Variants in TMEM132B observed in about 807,000 individuals in gnomAD.
TMEM132B encodes the protein transmembrane protein 132B.
TMEM132B carries 18 observed loss-of-function variants against 90.8 expected under a neutral mutation model. The observed-to-expected ratio is 0.20, with a 90% CI of 0.14 to 0.29. The LOEUF (loss-of-function observed/expected upper bound fraction) is 0.29. Among genes scored for constraint, TMEM132B ranks in the 10% least tolerant of loss-of-function variants. The pLI is 1.00. For missense variants in TMEM132B, 1,096 were observed against 1,326.8 expected (o/e 0.83, Z 2.70); for synonymous variants, 504 against 523.3 (o/e 0.96, Z 0.50).
intron 4 of TMEM132B, among the ~76,000 whole-genome samples, chr12:125,562,994 G>A (rs1884569860): frequency 6.6e-6 from 1 of 151,894 alleles, no homozygotes; most frequent in East Asian, 1.9e-4. Context: ...GAGGCCGAAG[G>A]AGAGGGAGAG....
chr12:125,493,016 G>A (rs756795288), intron 3 of TMEM132B, among the ~76,000 whole-genome samples: 3 of 152,176 alleles, frequency 2.0e-5, no homozygotes, highest in Non-Finnish European at 1.5e-5. Context: ...GTGGAGTTAC[G>A]GAGTTCCACC....
chr12:125,473,390 T>C (rs11058191), intron 3 of TMEM132B, among the ~76,000 whole-genome samples: 44,788 of 152,050 alleles, frequency 0.29, 6,828 homozygotes, highest in East Asian at 0.51. Context: ...CTTTTTTTCT[T>C]TCTGCAAAGT....
chr12:125,269,793 TC>T (rs1874783835), intron 1 of TMEM132B, among the ~76,000 whole-genome samples: 1 of 152,086 alleles, frequency 6.6e-6, no homozygotes, highest in African/African-American at 2.4e-5. Context: ...GAAATAAGTA[TC>T]CAGAACTGGT....
At chr12:125,612,708 T>A (rs2136948051) in intron 5 of TMEM132B, among the ~76,000 whole-genome samples, 1 of 143,654 alleles carries the variant, frequency 7.0e-6, no homozygotes, top group Non-Finnish European at 1.5e-5. Flanking sequence ...ATGTAGCCAC[T>A]CTGGCTTTCT....
intron 5 of TMEM132B, among the ~76,000 whole-genome samples, chr12:125,624,052 G>T (rs1189934141): frequency 6.6e-6 from 1 of 152,228 alleles, no homozygotes; most frequent in Admixed American, 6.5e-5. Context: ...GCCCACACTG[G>T]CTGGGAGGCC....
chr12:125,411,781 G>T (rs1015569898), intron 2 of TMEM132B, among the ~76,000 whole-genome samples: 10 of 152,180 alleles, frequency 6.6e-5, no homozygotes, highest in Non-Finnish European at 1.0e-4. Flanking sequence ...GGCCACCTTG[G>T]TCTTTCCTCT....
At chr12:125,296,650 T>TATCTCAA (rs1875679724) in intron 1 of TMEM132B, among the ~76,000 whole-genome samples, 1 of 152,234 alleles carries the variant, frequency 6.6e-6, no homozygotes, top group African/African-American at 2.4e-5. Context: ...TTCTCTGCCG[T>TATCTCAA]ATCTCAAATG....
rs567143245 is a variant in TMEM132B at position 125,296,454 on chromosome 12, C to T, written c.68-52998C>T. ...TACTTCACACTGTCTGCCCAGATCC[C>T]GCCTCCCAGGATGGCCTTCCCGGAC... On this transcript the variant is annotated intron_variant, in intron 1 of 8. Coordinates refer to ENST00000682704, the MANE Select transcript of TMEM132B (RefSeq NM_001366854.1). 2.6e-5 allele frequency among the ~76,000 whole-genome samples: 4 copies of T among 152,274 alleles called. No individual in the cohort carries two copies. In the South Asian group the frequency reaches 6.2e-4, roughly 24 times the overall value.
At chr12:125,313,276 A>C (rs571088017) in intron 1 of TMEM132B, among the ~76,000 whole-genome samples, 1 of 152,286 alleles carries the variant, frequency 6.6e-6, no homozygotes, top group South Asian at 2.1e-4. Context: ...CTTGGTTTTG[A>C]GAATGATTTG....
chr12:125,383,815 AG>A (rs374019653), intron 2 of TMEM132B, among the ~76,000 whole-genome samples: 29 of 152,376 alleles, frequency 1.9e-4, no homozygotes, highest in African/African-American at 6.5e-4. Context: ...CTTGACTTTG[AG>A]GCTTATTAGC....
intron 4 of TMEM132B, among the ~76,000 whole-genome samples, chr12:125,533,920 A>G (rs1883720227): frequency 1.3e-5 from 2 of 152,252 alleles, no homozygotes; most frequent in South Asian, 4.1e-4. Context: ...TTTAAACAAT[A>G]TATGGAAAAA....
chr12:125,594,447 A>T (rs1393795614), intron 5 of TMEM132B, among the ~76,000 whole-genome samples: 1 of 152,220 alleles, frequency 6.6e-6, no homozygotes, highest in Admixed American at 6.5e-5. Context: ...ACTTTTTAAG[A>T]AGCTGCCAAA....
At position 125,530,587 on chromosome 12, in the gene TMEM132B, G is replaced by A. The variant is rs140176634; in HGVS notation, c.1293+10962G>A. Among the ~76,000 whole-genome samples, 45 of 152,380 alleles carry A rather than the reference G, an allele frequency of 3.0e-4. 1 individual carries two copies. In the East Asian group the frequency reaches 8.7e-3, roughly 29 times the overall value. On this transcript the variant is annotated intron_variant, in intron 4 of 8. Coordinates refer to ENST00000682704, the MANE Select transcript of TMEM132B (RefSeq NM_001366854.1). ...TTTCTCACAGCTCTGGAGGCCAGAAGTCTGAAATCAAGGTGTTAGCAGGGA... is the reference window on the plus strand; with the variant it reads ...TTTCTCACAGCTCTGGAGGCCAGAAATCTGAAATCAAGGTGTTAGCAGGGA...
intron 1 of TMEM132B, among the ~76,000 whole-genome samples, chr12:125,309,131 A>G (rs1876065228): frequency 6.6e-6 from 1 of 152,206 alleles, no homozygotes. Flanking sequence ...GTTCTCTGCT[A>G]TTATGACTAA....
At chr12:125,325,669 C>CTGTGTGTGTGTG (rs59220510) in intron 1 of TMEM132B, among the ~76,000 whole-genome samples, 9 of 124,398 alleles carry the variant, frequency 7.2e-5, no homozygotes, top group East Asian at 5.5e-4. Context: ...GCCTCCCACC[C>CTGTGTGTGTGTG]TGTGTGTGTG....
intron 4 of TMEM132B, among the ~76,000 whole-genome samples, chr12:125,520,387 G>A (rs1447222567): frequency 6.6e-6 from 1 of 152,172 alleles, no homozygotes; most frequent in African/African-American, 2.4e-5. Context: ...TGGGATCCAT[G>A]TCCAGATACT....
intron 2 of TMEM132B, among the ~76,000 whole-genome samples, chr12:125,394,320 T>C (rs1459207560): frequency 6.6e-6 from 1 of 152,202 alleles, no homozygotes; most frequent in African/African-American, 2.4e-5. Context: ...TTGGACTTCT[T>C]CTAACAATAG....
At chr12:125,292,749 G>T (rs1875574676) in intron 1 of TMEM132B, among the ~76,000 whole-genome samples, 1 of 152,232 alleles carries the variant, frequency 6.6e-6, no homozygotes, top group African/African-American at 2.4e-5. Flanking sequence ...TATAGCTGGT[G>T]ATGAAAAGGA....
At chr12:125,365,092 T>C (rs1053743135) in intron 2 of TMEM132B, among the ~76,000 whole-genome samples, 6 of 152,024 alleles carry the variant, frequency 3.9e-5, no homozygotes, top group African/African-American at 1.4e-4. Flanking sequence ...TTGGTTTCTC[T>C]TTTTCTTTTT....
Sources: allele counts gnomAD v4.1 joint callset (sites outside exome capture counted in the v4.1 genomes callset), GRCh38; gene constraint gnomAD v4.1.1; transcripts MANE v1.5; gene names NCBI Gene and HGNC (gene_info 2026-07-23, HGNC 2026-07-21).